Variants in ZBTB20 observed in about 807,000 individuals in gnomAD.
ZBTB20 encodes zinc finger and BTB domain containing 20, also known as zinc finger and BTB domain-containing protein 20.
Under a neutral mutation model 56.9 loss-of-function variants are expected in ZBTB20, and 9 were observed. The ratio of observed to expected loss-of-function variants is 0.16; its 90% confidence interval spans 0.10 to 0.28. The LOEUF (loss-of-function observed/expected upper bound fraction) is 0.28, where lower values mean the gene tolerates loss of function less well. Ranked by LOEUF, ZBTB20 falls within the 10% of genes least tolerant of loss-of-function variation. The pLI is 1.00. For missense variants in ZBTB20, 655 were observed against 1,003.0 expected, an observed-to-expected ratio of 0.65 and a Z score of 4.69; for synonymous variants, 417 against 420.7, an observed-to-expected ratio of 0.99 and a Z score of 0.11.
chr3:114,664,645 A>G (rs564329694), intron 6 of ZBTB20, among the ~76,000 whole-genome samples: 1 of 151,998 alleles, frequency 6.6e-6, no homozygotes, highest in South Asian at 2.1e-4. Context: ...GCCTAGGCCG[A>G]TATCTACTGT....
intron 5 of ZBTB20, among the ~76,000 whole-genome samples, chr3:114,731,335 A>G (rs1367066088): frequency 5.9e-5 from 9 of 152,166 alleles, no homozygotes. Context: ...GTCATTCATG[A>G]CTAGTCTTTT....
chr3:114,537,610 A>G (rs1176059565), intron 6 of ZBTB20, among the ~76,000 whole-genome samples: 2 of 152,164 alleles, frequency 1.3e-5, no homozygotes, highest in African/African-American at 2.4e-5. Context: ...CAAAAATACC[A>G]TTTGACCCAG....
intron 7 of ZBTB20, among the ~76,000 whole-genome samples, chr3:114,481,533 GA>G (rs1327144099): frequency 6.6e-6 from 1 of 152,116 alleles, no homozygotes; most frequent in Non-Finnish European, 1.5e-5. Flanking sequence ...TGAAGATCCA[GA>G]TCAAATACCA....
intron 10 of ZBTB20, among the ~76,000 whole-genome samples, chr3:114,363,133 T>C (rs1410294790): frequency 6.6e-6 from 1 of 152,192 alleles, no homozygotes; most frequent in Non-Finnish European, 1.5e-5. Context: ...TAGTACAGTT[T>C]AAAAACCTTC....
At chr3:114,565,268 A>G (rs2052582789) in intron 6 of ZBTB20, among the ~76,000 whole-genome samples, 1 of 152,200 alleles carries the variant, frequency 6.6e-6, no homozygotes, top group Non-Finnish European at 1.5e-5. Context: ...AACAAACTTT[A>G]ATTGTGTTTA....
chr3:114,348,259 C>G (rs979713675), intron 11 of ZBTB20, among the ~76,000 whole-genome samples: 29 of 152,152 alleles, frequency 1.9e-4, no homozygotes, highest in African/African-American at 5.3e-4. Context: ...TAAGGAGATA[C>G]TTTCACAGAT....
Position 114,572,094 on chromosome 3 carries a change from T to C in ZBTB20, c.-294-71703A>G, listed in dbSNP as rs772556928. Among the ~76,000 whole-genome samples, 177 of 151,674 alleles carry C rather than the reference T, an allele frequency of 1.2e-3. 2 individuals are homozygous for C. Among genetic ancestry groups the C allele is most frequent in the Non-Finnish European group, 1.8e-3 (123 of 67,450 alleles). Reference sequence around the variant, plus strand: ...AACTACGAGACAAAGATGATTACTATTCTCATCTTTCAGATGAGAAAACTG... The same window carrying C: ...AACTACGAGACAAAGATGATTACTACTCTCATCTTTCAGATGAGAAAACTG... On this transcript the variant is annotated intron_variant, in intron 6 of 11. Coordinates refer to ENST00000675478, the MANE Select transcript of ZBTB20 (RefSeq NM_001348800.3).
intron 1 of ZBTB20, among the ~76,000 whole-genome samples, chr3:115,093,354 TAAG>T (rs920984294): frequency 6.6e-6 from 1 of 152,176 alleles, no homozygotes; most frequent in Non-Finnish European, 1.5e-5. Flanking sequence ...GAATGTGTTA[TAAG>T]AACACAATTA....
intron 7 of ZBTB20, among the ~76,000 whole-genome samples, chr3:114,472,893 G>A (rs1036720600): frequency 6.6e-6 from 1 of 152,152 alleles, no homozygotes; most frequent in Non-Finnish European, 1.5e-5. Context: ...ACCAAAGAGG[G>A]TATGTTAAAG....
chr3:114,633,034 T>C lies in ZBTB20; in HGVS notation c.-295+60494A>G, dbSNP rs547029096. Reference sequence around the variant, plus strand: ...ACATGAATATGACTTTTTTACTACATAGAAAGAATTAGGTTATGAAGGAAA... The same window carrying C: ...ACATGAATATGACTTTTTTACTACACAGAAAGAATTAGGTTATGAAGGAAA... On this transcript the variant is annotated intron_variant, in intron 6 of 11. Coordinates refer to ENST00000675478, the MANE Select transcript of ZBTB20 (RefSeq NM_001348800.3). Among the ~76,000 whole-genome samples, 9 of 152,304 alleles carry C rather than the reference T, an allele frequency of 5.9e-5. No homozygotes were observed. The East Asian group carries it at 9.6e-4, about 16-fold the overall frequency.
chr3:114,923,566 T>G (rs796326076), intron 3 of ZBTB20, among the ~76,000 whole-genome samples: 11 of 152,218 alleles, frequency 7.2e-5, no homozygotes, highest in African/African-American at 2.6e-4. Context: ...TACACAAAAA[T>G]TAACTCAAAA....
At chr3:114,341,655 C>T (rs188347840) in intron 11 of ZBTB20, among the ~76,000 whole-genome samples, 1 of 152,214 alleles carries the variant, frequency 6.6e-6, no homozygotes, top group African/African-American at 2.4e-5. Context: ...ATGTTTCTCT[C>T]TATAGCATAT....
At chr3:114,740,537 C>A (rs1392906397) in intron 5 of ZBTB20, among the ~76,000 whole-genome samples, 4 of 152,112 alleles carry the variant, frequency 2.6e-5, no homozygotes, top group African/African-American at 9.7e-5. Flanking sequence ...TTGATTTATA[C>A]TTCAGTATTT....
chr3:114,597,471 C>T (rs2056411234), intron 6 of ZBTB20, among the ~76,000 whole-genome samples: 1 of 152,106 alleles, frequency 6.6e-6, no homozygotes, highest in Admixed American at 6.6e-5. Context: ...TTCTCTTGAC[C>T]TTGATACACT....
chr3:114,678,076 G>A (rs373923524), intron 6 of ZBTB20, among the ~76,000 whole-genome samples: 10 of 152,202 alleles, frequency 6.6e-5, no homozygotes, highest in Admixed American at 4.6e-4. Flanking sequence ...TCTTTCATAT[G>A]CAATCTTTTG....
intron 2 of ZBTB20, among the ~76,000 whole-genome samples, chr3:114,998,677 A>G (rs2079122616): frequency 6.6e-6 from 1 of 151,768 alleles, no homozygotes; most frequent in South Asian, 2.1e-4. Flanking sequence ...GTAGTCAGGA[A>G]GGGATCAAGC....
chr3:115,140,480 C>T (rs149251845), intron 1 of ZBTB20, among the ~76,000 whole-genome samples: 192 of 151,922 alleles, frequency 1.3e-3, no homozygotes, highest in African/African-American at 4.1e-3. Flanking sequence ...ATGGAAAAGG[C>T]CATTTTCTTT....
At chr3:114,678,508 G>A (rs2108228872) in intron 6 of ZBTB20, among the ~76,000 whole-genome samples, 1 of 152,206 alleles carries the variant, frequency 6.6e-6, no homozygotes, top group East Asian at 1.9e-4. Context: ...CTGTGCTTTT[G>A]AACAATATAT....
At chr3:114,719,025 C>T (rs1171142881) in intron 5 of ZBTB20, among the ~76,000 whole-genome samples, 1 of 151,680 alleles carries the variant, frequency 6.6e-6, no homozygotes, top group Non-Finnish European at 1.5e-5. Flanking sequence ...AGTTATCTCA[C>T]AGGTTAAATA....
Sources: allele counts gnomAD v4.1 joint callset (sites outside exome capture counted in the v4.1 genomes callset), GRCh38; gene constraint gnomAD v4.1.1; transcripts MANE v1.5; gene names NCBI Gene and HGNC (gene_info 2026-07-23, HGNC 2026-07-21).